HAVCR1: variants seen among roughly 807,000 people sequenced by gnomAD.
HAVCR1 encodes the protein T cell immunoglobin domain and mucin domain protein 1.
In HAVCR1, 34 loss-of-function variants were observed where a neutral mutation model predicts 32.0. The observed-to-expected ratio is 1.06, with a 90% CI of 0.81 to 1.42. HAVCR1 has a LOEUF of 1.42. Ranked by LOEUF, HAVCR1 falls within the 40% of genes most tolerant of loss-of-function variation. The pLI is 0.00. For synonymous variants in HAVCR1, 178 were observed against 170.3 expected (o/e 1.05, Z -0.35); for missense variants, 420 against 442.3 (o/e 0.95, Z 0.45).
At chr5:157,054,133 G>A (rs370053741) in intron 3 of HAVCR1, among the ~76,000 whole-genome samples, 3 of 140,094 alleles carry the variant, frequency 2.1e-5, no homozygotes, top group African/African-American at 8.2e-5. Flanking sequence ...GCAGTGAGTA[G>A]CAATCACACC....
At chr5:157,043,200 G>A (rs1406375898) in intron 5 of HAVCR1, among the ~76,000 whole-genome samples, 3 of 152,110 alleles carry the variant, frequency 2.0e-5, no homozygotes, top group African/African-American at 7.2e-5. Context: ...TGTTGTTGCC[G>A]ATGTGCTTAC....
intron 5 of HAVCR1, among the ~76,000 whole-genome samples, chr5:157,043,042 G>A (rs1361516409): frequency 6.6e-6 from 1 of 152,168 alleles, no homozygotes; most frequent in Non-Finnish European, 1.5e-5. Flanking sequence ...ATACTTTTAT[G>A]CTATCTAAAC....
At position 157,057,948 on chromosome 5, in the gene HAVCR1, G is replaced by T. The variant is rs1561606833; in HGVS notation, c.-5C>A. ...GATGACCACTTGAGGATGCATTATG[G>T]GATCAGCCTGAAGGAAAATGAGCAG... On this transcript the variant is annotated 5_prime_UTR_variant, in exon 2 of 9. Coordinates refer to ENST00000523175, the MANE Select transcript of HAVCR1 (RefSeq NM_001173393.3). The T allele has an allele frequency of 6.2e-7, 1 of 1,612,850 alleles. No homozygotes were observed. The highest frequency in any genetic ancestry group is 8.5e-7 in the Non-Finnish European group (1 of 1,178,904).
chr5:157,047,190 C>A (rs1190968180), intron 5 of HAVCR1, among the ~76,000 whole-genome samples: 2 of 152,080 alleles, frequency 1.3e-5, no homozygotes, highest in Non-Finnish European at 2.9e-5. Flanking sequence ...GGTCATAAGA[C>A]ACTTCCCAGA....
At chr5:157,065,949 A>C in the HAVCR1 span, among the ~76,000 whole-genome samples, 4 of 151,460 alleles carry the variant, frequency 2.6e-5, no homozygotes, top group South Asian at 8.4e-4. Flanking sequence ...CCAGCTACTC[A>C]GGAGGCTGAG....
intron 3 of HAVCR1, 67 bp downstream of exon 3, chr5:157,055,134 A>G: frequency 5.7e-6 from 5 of 872,298 alleles, no homozygotes; most frequent in Non-Finnish European, 9.0e-6. Context: ...CCCTATTAAG[A>G]AAAAAGAAAA....
At position 157,057,386 on chromosome 5, in the gene HAVCR1, G is replaced by GGAAA. The variant is rs544010943; in HGVS notation, c.46+508_46+511dup. 8.6e-3 allele frequency among the ~76,000 whole-genome samples: 680 copies of GGAAA among 79,424 alleles called. 14 individuals carry two copies. The highest frequency in any genetic ancestry group is 0.019 in the Middle Eastern group (3 of 154). 52.1% of individuals were successfully genotyped at this position (79,424 alleles called of 152,430 possible). A position where few individuals can be genotyped will look rare whatever the true frequency, so the allele number is the denominator to read the frequency against. On this transcript the variant is annotated intron_variant, in intron 2 of 8. Transcript: ENST00000523175. ...GAAGAGAGAGAGAGAGAGAGAGAGA[G>GGAAA]GAAAGAAAGAAAGAAAGAAAGAAAG...
chr5:157,064,887 A>G, the HAVCR1 span, among the ~76,000 whole-genome samples: 2 of 152,120 alleles, frequency 1.3e-5, no homozygotes, highest in Admixed American at 6.6e-5. Context: ...AAAAAACAAA[A>G]AACAAAAACC....
intron 1 of HAVCR1, chr5:157,058,535 A>C (rs951628115): frequency 6.6e-6 from 1 of 152,512 alleles, no homozygotes; most frequent in African/African-American, 2.4e-5. Flanking sequence ...ACTGCACTCC[A>C]GCCTGGGCGA....
At chr5:157,051,599 T>C (rs1375091766) in intron 4 of HAVCR1, among the ~76,000 whole-genome samples, 2 of 152,184 alleles carry the variant, frequency 1.3e-5, no homozygotes, top group East Asian at 1.9e-4. Flanking sequence ...GGTGCAATCA[T>C]GGCTCACTGT....
At chr5:157,062,763 CT>C (rs1179316380), upstream of HAVCR1, among the ~76,000 whole-genome samples, 7 of 152,080 alleles carry the variant, frequency 4.6e-5, no homozygotes, top group East Asian at 3.9e-4. Flanking sequence ...TATAATGCTT[CT>C]TTTTTTTATA....
At chr5:157,048,740 G>A (rs1755561535) in intron 5 of HAVCR1, among the ~76,000 whole-genome samples, 1 of 152,134 alleles carries the variant, frequency 6.6e-6, no homozygotes, top group African/African-American at 2.4e-5. Flanking sequence ...TGAGGCAGGA[G>A]AATGGCGTGA....
At chr5:157,058,132 T>C (rs780090512) in intron 1 of HAVCR1, 177 bp from the exon 2 acceptor site, 2 of 578,114 alleles carry the variant, frequency 3.5e-6, no homozygotes, top group Non-Finnish European at 6.2e-6. Context: ...GTTAGTTCCC[T>C]GCAGCTGAGA....
chr5:157,042,306 G>C (rs1402710232), intron 6 of HAVCR1, among the ~76,000 whole-genome samples: 2 of 151,966 alleles, frequency 1.3e-5, no homozygotes, highest in African/African-American at 4.8e-5. Context: ...GCCGGGCATG[G>C]TGGCGGGCGC....
intron 6 of HAVCR1, among the ~76,000 whole-genome samples, chr5:157,039,979 A>G (rs1194109438): frequency 6.6e-6 from 1 of 152,138 alleles, no homozygotes; most frequent in Non-Finnish European, 1.5e-5. Flanking sequence ...AAACATACCT[A>G]TTCTGTAGGT....
chr5:157,047,425 C>T (rs1417622790), intron 5 of HAVCR1, among the ~76,000 whole-genome samples: 2 of 152,036 alleles, frequency 1.3e-5, no homozygotes, highest in African/African-American at 2.4e-5. Context: ...ATGACGCATA[C>T]GTGTAATCCC....
At chr5:157,055,647 AC>A (rs1271325537) in intron 2 of HAVCR1, 114 bp from the exon 3 acceptor site, 2 of 630,202 alleles carry the variant, frequency 3.2e-6, no homozygotes, top group Non-Finnish European at 5.4e-6. Context: ...AGGCAGATCA[AC>A]CCAGGTCAGG....
At chr5:157,035,650 G>A (rs1405148727) in intron 7 of HAVCR1, among the ~76,000 whole-genome samples, 1 of 151,984 alleles carries the variant, frequency 6.6e-6, no homozygotes, top group Non-Finnish European at 1.5e-5. Flanking sequence ...TTGTAGGGTG[G>A]AGAAAATAAA....
intron 5 of HAVCR1, among the ~76,000 whole-genome samples, chr5:157,045,139 G>A (rs1252095438): frequency 1.3e-5 from 2 of 152,034 alleles, no homozygotes; most frequent in Non-Finnish European, 2.9e-5. Flanking sequence ...GGCACAGAAC[G>A]ATATTAACAG....
Sources: gnomAD v4.1 joint callset for allele counts (sites outside exome capture counted in the v4.1 genomes callset) on GRCh38, gnomAD v4.1.1 for gene constraint, MANE v1.5 for transcripts, NCBI Gene and HGNC (gene_info 2026-07-23, HGNC 2026-07-21) for gene names.